Variants in PHF6 observed in about 807,000 individuals in gnomAD.
PHF6 encodes the protein PHD finger protein 6, also known as PHD-like zinc finger protein.
PHF6 carries 7 observed loss-of-function variants against 34.0 expected under a neutral mutation model. The ratio of observed to expected loss-of-function variants is 0.21; its 90% CI spans 0.12 to 0.39. The LOEUF is 0.39. PHF6 is among the 10% of genes least tolerant of loss of function. The pLI is 1.00. For missense variants in PHF6, 128 were observed against 262.8 expected, an observed-to-expected ratio of 0.49 and a Z score of 3.55; for synonymous variants, 89 against 88.4, an observed-to-expected ratio of 1.01 and a Z score of -0.04.
intron 3 of PHF6, among the ~76,000 whole-genome samples, chrX:134,384,844 G>A (rs1343214548): frequency 9.1e-6 from 1 of 110,281 alleles, no homozygotes; most frequent in Non-Finnish European, 1.9e-5. Context: ...GTAGAGACGC[G>A]GTTTCACCGT....
chrX:134,408,047 C>T (rs751725598), intron 5 of PHF6, among the ~76,000 whole-genome samples: 4 of 111,964 alleles, frequency 3.6e-5, no homozygotes, highest in Admixed American at 9.4e-5. Context: ...CCTGCCTCAC[C>T]CTCCCAAGTA....
intron 3 of PHF6, among the ~76,000 whole-genome samples, chrX:134,390,689 A>C (rs1246001367): frequency 8.9e-6 from 1 of 111,898 alleles, no homozygotes; most frequent in Non-Finnish European, 1.9e-5. Flanking sequence ...ATTGTAGAAA[A>C]ATCAAAATAC....
At chrX:134,384,032 A>C (rs2077319488) in intron 3 of PHF6, among the ~76,000 whole-genome samples, 3 of 112,099 alleles carry the variant, frequency 2.7e-5, no homozygotes, top group African/African-American at 9.7e-5. Flanking sequence ...GAATATTGTG[A>C]TTATTACCCT....
At chrX:134,379,881 ATACT>A (rs1346045282) in intron 3 of PHF6, among the ~76,000 whole-genome samples, 22 of 112,278 alleles carry the variant, frequency 2.0e-4, no homozygotes, top group Middle Eastern at 4.6e-3. Flanking sequence ...AAAAAGAATG[ATACT>A]TACTTGAAAG....
chrX:134,420,974 A>C (rs2077489781), intron 9 of PHF6, among the ~76,000 whole-genome samples: 1 of 111,447 alleles, frequency 9.0e-6, no homozygotes, highest in Non-Finnish European at 1.9e-5. Flanking sequence ...ATCAAAAGAC[A>C]CCTATTCTCA....
chrX:134,419,654 TAAGGCCC>T (rs1176234311), intron 9 of PHF6: 1 of 111,139 alleles, frequency 9.0e-6, no homozygotes, highest in Non-Finnish European at 1.9e-5. Flanking sequence ...GTGGGGTGGA[TAAGGCCC>T]TCTTTTAAAA....
chrX:134,396,198 A>C (rs2077376735), intron 5 of PHF6, among the ~76,000 whole-genome samples: 2 of 111,740 alleles, frequency 1.8e-5, no homozygotes, highest in Admixed American at 1.9e-4. Context: ...CAAACAATCC[A>C]AGTTAAGCTG....
rs1372900096 is a variant in PHF6 at position 134,377,686 on chromosome X, T to TA, written c.70dup (p.Arg24LysfsTer12). ...GCAAATGTGGCTTTTGTAAGTCAAA[T>TA]AGAGACAAGGAATGTGGACAGTTAC... is the stretch of plus-strand genomic sequence containing the variant. On this transcript the variant is annotated frameshift_variant, in exon 2 of 11. Transcript: ENST00000370803. LOFTEE classifies it high-confidence loss of function. 1 of 1,207,867 alleles carries TA rather than the reference T, an allele frequency of 8.3e-7. No homozygotes were observed. Among genetic ancestry groups the TA allele is most frequent in the Non-Finnish European group, 1.1e-6 (1 of 894,000 alleles).
chrX:134,386,559 C>T (rs1448248119), intron 3 of PHF6, among the ~76,000 whole-genome samples: 2 of 110,619 alleles, frequency 1.8e-5, no homozygotes, highest in African/African-American at 3.3e-5. Flanking sequence ...TACAGGCACA[C>T]GCCACCACGC....
At chrX:134,379,382 T>C (rs2077293871) in intron 3 of PHF6, among the ~76,000 whole-genome samples, 1 of 108,345 alleles carries the variant, frequency 9.2e-6, no homozygotes, top group South Asian at 4.1e-4. Flanking sequence ...ACTGTAGATA[T>C]TAATAGAAAG....
chrX:134,391,610 G>A (rs1405524980), intron 3 of PHF6, among the ~76,000 whole-genome samples: 12 of 111,057 alleles, frequency 1.1e-4, no homozygotes, highest in African/African-American at 3.3e-5. Context: ...TTTTCAAAAT[G>A]TACCCATCTA....
intron 6 of PHF6, 42 bp downstream of exon 6, chrX:134,413,699 A>C (rs2077460678): frequency 8.3e-7 from 1 of 1,197,675 alleles, no homozygotes; most frequent in Non-Finnish European, 1.1e-6. Context: ...TTGTTGCACC[A>C]TGAATATTTC....
At chrX:134,397,614 C>T (rs1238891402) in intron 5 of PHF6, among the ~76,000 whole-genome samples, 1 of 111,922 alleles carries the variant, frequency 8.9e-6, no homozygotes, top group East Asian at 2.8e-4. Flanking sequence ...ACGCCATTTG[C>T]ACTCCAGCCT....
At chrX:134,405,302 A>G (rs1277814726) in intron 5 of PHF6, among the ~76,000 whole-genome samples, 1 of 111,195 alleles carries the variant, frequency 9.0e-6, no homozygotes, top group Non-Finnish European at 1.9e-5. Context: ...TCCCGGGTTC[A>G]AGCGATCCTC....
intron 5 of PHF6, among the ~76,000 whole-genome samples, chrX:134,406,062 T>TTTCTTTCTTTC (rs2077422140): frequency 1.0e-3 from 79 of 78,059 alleles, no homozygotes; most frequent in South Asian, 8.9e-3. Context: ...TCCTTTTTCT[T>TTTCTTTCTTTC]TTTCTTTCTT....
rs1173193375 is a variant in PHF6 at position 134,425,835 on chromosome X, G to A, written c.*175G>A. 1 of 177,417 alleles carries A rather than the reference G, an allele frequency of 5.6e-6. No homozygotes were observed. Among genetic ancestry groups the A allele is most frequent in the African/African-American group, 3.0e-5 (1 of 33,672 alleles). 14.6% of individuals were successfully genotyped at this position (177,417 alleles called of 1,213,427 possible). A position where few individuals can be genotyped will look rare whatever the true frequency, so the allele number is the denominator to read the frequency against. On this transcript the variant is annotated 3_prime_UTR_variant, in exon 11 of 11. Transcript: ENST00000370803. ...TTGTTTTATGAGCCCTCACTAGAAG[G>A]CTGAGTTTGACATGTTGATATTACG...
At chrX:134,411,826 G>A (rs1039624641) in intron 5 of PHF6, among the ~76,000 whole-genome samples, 3 of 111,303 alleles carry the variant, frequency 2.7e-5, no homozygotes, top group East Asian at 2.8e-4. Context: ...TCCGCCTCCC[G>A]GGTTCAAGCA....
At chrX:134,384,165 G>T (rs2077320052) in intron 3 of PHF6, among the ~76,000 whole-genome samples, 1 of 111,452 alleles carries the variant, frequency 9.0e-6, no homozygotes, top group Non-Finnish European at 1.9e-5. Flanking sequence ...CTGTCTGGGA[G>T]GAGTCTTACC....
intron 8 of PHF6, chrX:134,415,334 C>T: frequency 1.8e-6 from 1 of 542,990 alleles, no homozygotes; most frequent in Non-Finnish European, 2.9e-6. Context: ...GAGAATTATA[C>T]TGAGAAGATT....
Sources: allele counts gnomAD v4.1 joint callset (sites outside exome capture counted in the v4.1 genomes callset), GRCh38; gene constraint gnomAD v4.1.1; transcripts MANE v1.5; gene names NCBI Gene and HGNC (gene_info 2026-07-23, HGNC 2026-07-21).